The following ZNF804B variants were observed in gnomAD, a reference collection of about 807,000 sequenced individuals.
ZNF804B encodes the protein zinc finger 804B.
Under a neutral mutation model 101.4 loss-of-function variants are expected in ZNF804B, and 80 were observed. That is an observed-to-expected ratio of 0.79 (90% confidence interval 0.66 to 0.95). The LOEUF is 0.95. Ranked by LOEUF, ZNF804B falls within the 40% of genes least tolerant of loss-of-function variation. The probability of loss-of-function intolerance (pLI) is 0.00; values close to 1 mark genes in which losing one functional copy is unlikely to be tolerated. For missense variants in ZNF804B, 1,673 were observed against 1,561.9 expected, an observed-to-expected ratio of 1.07 and a Z score of -1.20; for synonymous variants, 622 against 558.8, an observed-to-expected ratio of 1.11 and a Z score of -1.59.
At chr7:89,141,867 T>A (rs1410367003) in intron 1 of ZNF804B, among the ~76,000 whole-genome samples, 1 of 142,602 alleles carries the variant, frequency 7.0e-6, no homozygotes, top group Non-Finnish European at 1.5e-5. Flanking sequence ...AATAATAGAA[T>A]TGAAAGATAA....
At chr7:89,188,374 T>C (rs1788405883) in intron 1 of ZNF804B, among the ~76,000 whole-genome samples, 1 of 152,016 alleles carries the variant, frequency 6.6e-6, no homozygotes, top group African/African-American at 2.4e-5. Flanking sequence ...TTCCCCTATC[T>C]CTCTCCTTCT....
At chr7:89,285,338 C>T (rs1013385687) in intron 2 of ZNF804B, among the ~76,000 whole-genome samples, 9 of 150,946 alleles carry the variant, frequency 6.0e-5, no homozygotes, top group East Asian at 3.9e-4. Context: ...CTGACTAACA[C>T]GATGAAACCC....
At chr7:88,837,619 C>T (rs1791233954) in intron 1 of ZNF804B, among the ~76,000 whole-genome samples, 1 of 151,928 alleles carries the variant, frequency 6.6e-6, no homozygotes, top group Non-Finnish European at 1.5e-5. Context: ...TCAGATTGCA[C>T]ATTGTAATGA....
At chr7:88,805,457 G>A (rs1319338744) in intron 1 of ZNF804B, among the ~76,000 whole-genome samples, 7 of 152,034 alleles carry the variant, frequency 4.6e-5, no homozygotes, top group Admixed American at 4.6e-4. Flanking sequence ...AACCTTCCCA[G>A]CATCTATTAA....
intron 1 of ZNF804B, among the ~76,000 whole-genome samples, chr7:89,178,653 T>C (rs1461036011): frequency 6.6e-6 from 1 of 152,192 alleles, no homozygotes; most frequent in Non-Finnish European, 1.5e-5. Flanking sequence ...TTATTATTTT[T>C]GATCATTTCA....
intron 1 of ZNF804B, among the ~76,000 whole-genome samples, chr7:89,164,885 T>C (rs2189052): frequency 0.14 from 20,913 of 152,074 alleles, 2,479 homozygotes; most frequent in East Asian, 0.61. Context: ...CAAATGTATT[T>C]GGTGTTTTTT....
intron 1 of ZNF804B, among the ~76,000 whole-genome samples, chr7:89,186,191 AAAAG>A (rs1480243369): frequency 2.6e-5 from 4 of 152,152 alleles, no homozygotes; most frequent in African/African-American, 7.2e-5. Flanking sequence ...TGCACAAATA[AAAAG>A]AAAGTATTTA....
intron 1 of ZNF804B, among the ~76,000 whole-genome samples, chr7:88,970,998 A>T (rs182217283): frequency 3.5e-3 from 524 of 151,224 alleles, no homozygotes; most frequent in Middle Eastern, 6.8e-3. Flanking sequence ...AGAACAAAAA[A>T]AAATAAATAA....
intron 1 of ZNF804B, among the ~76,000 whole-genome samples, chr7:89,151,851 C>A (rs370702389): frequency 2.0e-4 from 31 of 152,164 alleles, no homozygotes; most frequent in African/African-American, 7.2e-4. Flanking sequence ...TATGATCTAC[C>A]TCCTAGGCAG....
rs189988020 is a variant in ZNF804B at position 88,896,857 on chromosome 7, A to T, written c.108+136773A>T. ...AGAAATTTATTTGGCAGGGCATTTG[A>T]AAGGGTATGCTTTGAGAATTATGCA... On this transcript the variant is annotated intron_variant, in intron 1 of 3. Coordinates refer to ENST00000333190, the MANE Select transcript of ZNF804B (RefSeq NM_181646.5). 5.3e-5 allele frequency among the ~76,000 whole-genome samples: 8 copies of T among 152,298 alleles called. No individual in the cohort carries two copies. In the East Asian group the frequency reaches 1.5e-3, roughly 29 times the overall value.
intron 2 of ZNF804B, among the ~76,000 whole-genome samples, chr7:89,218,616 A>G (rs1299421920): frequency 6.6e-6 from 1 of 152,170 alleles, no homozygotes; most frequent in East Asian, 1.9e-4. Context: ...TAACTTTTGC[A>G]GTTAAAAATC....
At chr7:88,804,560 C>T (rs1352684399) in intron 1 of ZNF804B, among the ~76,000 whole-genome samples, 2 of 151,952 alleles carry the variant, frequency 1.3e-5, no homozygotes, top group Admixed American at 1.3e-4. Flanking sequence ...AACTAACACA[C>T]AGTGCACATT....
chr7:89,224,759 T>TATGA (rs373432748), intron 2 of ZNF804B, among the ~76,000 whole-genome samples: 4,907 of 40,516 alleles, frequency 0.12, 209 homozygotes, highest in African/African-American at 0.28. Flanking sequence ...TGTATGAGTG[T>TATGA]GTGTGTGTGT....
intron 2 of ZNF804B, among the ~76,000 whole-genome samples, chr7:89,298,996 T>G (rs1790435912): frequency 6.6e-6 from 1 of 151,982 alleles, no homozygotes; most frequent in South Asian, 2.1e-4. Flanking sequence ...CTTGGAGACC[T>G]TTATGGCCCA....
chr7:88,917,306 G>T (rs1430125143), intron 1 of ZNF804B, among the ~76,000 whole-genome samples: 3 of 151,954 alleles, frequency 2.0e-5, no homozygotes, highest in Non-Finnish European at 4.4e-5. Context: ...TATTCAAATG[G>T]TCTGAACCAT....
intron 1 of ZNF804B, among the ~76,000 whole-genome samples, chr7:88,776,555 G>GTTTTTTTTTTTTTTTTTT (rs10630362): frequency 9.4e-6 from 1 of 106,456 alleles, no homozygotes; most frequent in Non-Finnish European, 2.0e-5. Context: ...TTCTCGTGGT[G>GTTTTTTTTTTTTTTTTTT]TTTTGTTTTT....
chr7:88,905,576 C>T (rs902071462), intron 1 of ZNF804B, among the ~76,000 whole-genome samples: 2 of 152,076 alleles, frequency 1.3e-5, no homozygotes, highest in African/African-American at 4.8e-5. Context: ...CCAGGCTAGC[C>T]TTGAACTGCT....
intron 2 of ZNF804B, among the ~76,000 whole-genome samples, chr7:89,255,682 AT>A (rs1157608085): frequency 6.6e-6 from 1 of 152,204 alleles, no homozygotes; most frequent in Non-Finnish European, 1.5e-5. Context: ...GGAGGAAATA[AT>A]TTTTTAATAA....
chr7:88,810,953 C>A (rs1227305140), intron 1 of ZNF804B, among the ~76,000 whole-genome samples: 2 of 151,798 alleles, frequency 1.3e-5, no homozygotes, highest in Non-Finnish European at 2.9e-5. Flanking sequence ...AGTTATCCTA[C>A]AGAAAGATGA....
Sources: allele counts gnomAD v4.1 joint callset (sites outside exome capture counted in the v4.1 genomes callset), GRCh38; gene constraint gnomAD v4.1.1; transcripts MANE v1.5; gene names NCBI Gene and HGNC (gene_info 2026-07-23, HGNC 2026-07-21).